PSIP1: variants seen among roughly 807,000 people sequenced by gnomAD.
PSIP1 encodes the protein PC4 and SFRS1-interacting protein.
A neutral mutation model predicts 74.7 loss-of-function variants in PSIP1; 19 were observed. The observed-to-expected ratio is 0.25, with a 90% CI of 0.18 to 0.37. The LOEUF is 0.37. PSIP1 is among the 10% of genes least tolerant of loss of function. PSIP1 has a pLI of 1.00. For synonymous variants in PSIP1, 222 were observed against 195.3 expected (o/e 1.14, Z -1.14); for missense variants, 601 against 614.3 (o/e 0.98, Z 0.23).
chr9:15,489,805 AAAT>A (rs2036742660), intron 4 of PSIP1, among the ~76,000 whole-genome samples, 178 bp downstream of exon 4: 1 of 152,110 alleles, frequency 6.6e-6, no homozygotes, highest in Non-Finnish European at 1.5e-5. Flanking sequence ...TAACTACATA[AAAT>A]AATGATTTTG....
intron 3 of PSIP1, among the ~76,000 whole-genome samples, chr9:15,500,364 C>T (rs2037282105): frequency 6.6e-6 from 1 of 152,034 alleles, no homozygotes; most frequent in Non-Finnish European, 1.5e-5. Context: ...ACTTGGGAGG[C>T]TGAGGCAGGA....
intron 8 of PSIP1, among the ~76,000 whole-genome samples, chr9:15,476,449 G>A (rs1049067247): frequency 6.6e-6 from 1 of 152,184 alleles, no homozygotes; most frequent in Non-Finnish European, 1.5e-5. Context: ...AGCGTGAAAT[G>A]ACTATCAAGG....
chr9:15,490,615 G>T (rs571401626), intron 3 of PSIP1, among the ~76,000 whole-genome samples: 1 of 148,768 alleles, frequency 6.7e-6, no homozygotes, highest in South Asian at 2.2e-4. Context: ...CCCGGGAGGC[G>T]GAGGTTGCAG....
intron 2 of PSIP1, among the ~76,000 whole-genome samples, chr9:15,507,344 C>G (rs931380968): frequency 2.6e-5 from 4 of 152,192 alleles, no homozygotes; most frequent in Non-Finnish European, 4.4e-5. Context: ...GCAGTACTAT[C>G]TAGCTAGAAT....
intron 1 of PSIP1, 124 bp from the exon 2 acceptor site, chr9:15,510,453 C>T (rs999984617): frequency 2.0e-5 from 8 of 392,456 alleles, no homozygotes; most frequent in Non-Finnish European, 3.6e-5. Flanking sequence ...CCGCTCCTCC[C>T]CCGCCAGTGC....
rs1440434192 is a variant in PSIP1, at chr9:15,474,248, GAACAT to G, written c.630-16_630-12del. 7 of 1,585,134 alleles carry G rather than the reference GAACAT, an allele frequency of 4.4e-6. No individual in the cohort carries two copies. The highest frequency in any genetic ancestry group is 4.5e-5 in the East Asian group (2 of 44,654). ...TCCTCTTCAGTAATGCTATTTTAGA[GAACAT>G]AACAATGTATACTTGTCATTCAACT... is the stretch of plus-strand genomic sequence containing the variant. On this transcript the variant is annotated splice_polypyrimidine_tract_variant and intron_variant, in intron 8 of 15. Transcript: ENST00000380733.
intron 15 of PSIP1, among the ~76,000 whole-genome samples, chr9:15,466,294 G>A (rs1384132970): frequency 1.3e-5 from 2 of 152,154 alleles, no homozygotes; most frequent in African/African-American, 4.8e-5. Flanking sequence ...CAGGAGAATC[G>A]CTTGAACCCA....
At chr9:15,495,203 A>T (rs1022169155) in intron 3 of PSIP1, among the ~76,000 whole-genome samples, 16 of 152,144 alleles carry the variant, frequency 1.1e-4, no homozygotes, top group African/African-American at 3.9e-4. Flanking sequence ...ATTACAGGAA[A>T]ATGTTTTAAA....
intron 10 of PSIP1, chr9:15,471,132 C>G (rs2035808774): frequency 6.2e-7 from 1 of 1,603,524 alleles, no homozygotes; most frequent in Non-Finnish European, 8.5e-7. Context: ...ATCTTCATCT[C>G]TTGTTTGCTC....
At chr9:15,508,249 G>A (rs146694887) in intron 2 of PSIP1, among the ~76,000 whole-genome samples, 54 of 152,158 alleles carry the variant, frequency 3.5e-4, no homozygotes, top group African/African-American at 1.2e-3. Context: ...CTTTAAATAT[G>A]GACTCTAAAC....
chr9:15,467,944 A>G (rs2035700283), intron 14 of PSIP1, among the ~76,000 whole-genome samples: 1 of 151,360 alleles, frequency 6.6e-6, no homozygotes, highest in Non-Finnish European at 1.5e-5. Context: ...AACATGGAGA[A>G]ACCCCGTGCC....
At chr9:15,472,094 CAA>C in intron 10 of PSIP1, 1 of 982,676 alleles carries the variant, frequency 1.0e-6, no homozygotes, top group Non-Finnish European at 1.2e-6. Flanking sequence ...CTATAAGTAT[CAA>C]AATTTAAGAG....
chr9:15,501,937 C>A (rs1346590724), intron 3 of PSIP1, among the ~76,000 whole-genome samples: 1 of 151,114 alleles, frequency 6.6e-6, no homozygotes, highest in Admixed American at 6.6e-5. Context: ...AGTACCCGTC[C>A]GTGGCCTGTT....
chr9:15,498,070 A>T (rs2037167832), intron 3 of PSIP1, among the ~76,000 whole-genome samples: 1 of 152,188 alleles, frequency 6.6e-6, no homozygotes, highest in Non-Finnish European at 1.5e-5. Context: ...GCTATAATAA[A>T]CATATTGCTC....
chr9:15,491,592 G>A (rs188652187), intron 3 of PSIP1, among the ~76,000 whole-genome samples: 2 of 152,166 alleles, frequency 1.3e-5, no homozygotes, highest in Non-Finnish European at 2.9e-5. Flanking sequence ...TTACTAGGAG[G>A]TTATGTCCCA....
At chr9:15,481,205 G>T (rs1014365920) in intron 6 of PSIP1, among the ~76,000 whole-genome samples, 1 of 152,142 alleles carries the variant, frequency 6.6e-6, no homozygotes, top group Non-Finnish European at 1.5e-5. Flanking sequence ...AGGGAACCAG[G>T]ATTCTGTGTT....
rs1286193074 is a variant in PSIP1, at chr9:15,474,251, C to T, written c.630-14G>A. On this transcript the variant is annotated splice_polypyrimidine_tract_variant and intron_variant, in intron 8 of 15. Transcript: ENST00000380733. ...TCTTCAGTAATGCTATTTTAGAGAA[C>T]ATAACAATGTATACTTGTCATTCAA... The T allele has an allele frequency of 2.5e-6, 4 of 1,579,538 alleles. No homozygotes were observed. The highest frequency in any genetic ancestry group is 3.5e-6 in the Non-Finnish European group (4 of 1,157,616).
intron 3 of PSIP1, among the ~76,000 whole-genome samples, chr9:15,498,922 A>C (rs2132195207): frequency 6.6e-6 from 1 of 152,290 alleles, no homozygotes; most frequent in East Asian, 1.9e-4. Flanking sequence ...TCAAAATATT[A>C]CCAGGTTTAG....
At chr9:15,472,380 TA>T in intron 10 of PSIP1, 1 of 1,289,786 alleles carries the variant, frequency 7.8e-7, no homozygotes, top group Non-Finnish European at 9.8e-7. Flanking sequence ...CAGTATCAAT[TA>T]AATCCTATCT....
Sources: allele counts gnomAD v4.1 joint callset (sites outside exome capture counted in the v4.1 genomes callset), GRCh38; gene constraint gnomAD v4.1.1; transcripts MANE v1.5; gene names NCBI Gene and HGNC (gene_info 2026-07-23, HGNC 2026-07-21).